MSRB3: variants seen among roughly 807,000 people sequenced by gnomAD.
The protein encoded by MSRB3 is methionine sulfoxide reductase B3, also known as methionine-R-sulfoxide reductase B3.
In MSRB3, 13 loss-of-function variants were observed where a neutral mutation model predicts 21.0. The ratio of observed to expected loss-of-function variants is 0.62; its 90% CI spans 0.40 to 0.98. The LOEUF is 0.98. Among genes scored for constraint, MSRB3 ranks in the 50% least tolerant of loss-of-function variants. MSRB3 has a pLI of 0.00. For synonymous variants in MSRB3, 87 were observed against 88.6 expected, an observed-to-expected ratio of 0.98 and a Z score of 0.10; for missense variants, 199 against 230.3, an observed-to-expected ratio of 0.86 and a Z score of 0.88.
chr12:65,453,036 AT>A (rs1219307413), intron 5 of MSRB3, among the ~76,000 whole-genome samples: 3 of 152,186 alleles, frequency 2.0e-5, no homozygotes, highest in Non-Finnish European at 4.4e-5. Flanking sequence ...GTGTGCATAT[AT>A]TTTTAAAATC....
intron 4 of MSRB3, among the ~76,000 whole-genome samples, chr12:65,339,443 CTT>C (rs1875998157): frequency 6.6e-6 from 1 of 152,168 alleles, no homozygotes. Context: ...CAAACACTGA[CTT>C]TTAGTATTTT....
Position 65,463,702 on chromosome 12 carries a change from G to A in MSRB3, c.*380G>A. ...CCTCTGCAGTGTAGAGACCAGAGCT[G>A]GGCAGTGCAGGGCATGGAGACCTGC... On this transcript the variant is annotated 3_prime_UTR_variant, in exon 7 of 7. Transcript: ENST00000308259. 1 of 254,842 alleles carries A rather than the reference G, an allele frequency of 3.9e-6. No individual in the cohort carries two copies. Among genetic ancestry groups the A allele is most frequent in the Non-Finnish European group, 7.6e-6 (1 of 130,996 alleles). The allele number at this position is 254,842 out of a possible 1,614,324, so 15.8% of individuals were successfully genotyped here.
At chr12:65,402,348 T>C (rs1161210845) in intron 5 of MSRB3, among the ~76,000 whole-genome samples, 2 of 152,208 alleles carry the variant, frequency 1.3e-5, no homozygotes, top group Non-Finnish European at 2.9e-5. Context: ...CTTCATGCTT[T>C]ATTTCATTAA....
chr12:65,336,343 A>G, intron 4 of MSRB3, among the ~76,000 whole-genome samples: 1 of 152,258 alleles, frequency 6.6e-6, no homozygotes, highest in East Asian at 1.9e-4. Flanking sequence ...AACAATATAC[A>G]AAGATAATTA....
At chr12:65,289,315 C>G (rs1872555381) in intron 1 of MSRB3, among the ~76,000 whole-genome samples, 1 of 152,052 alleles carries the variant, frequency 6.6e-6, no homozygotes, top group South Asian at 2.1e-4. Context: ...GCTAACAAGG[C>G]AAAACCCTGT....
chr12:65,288,556 T>A (rs1007156524), intron 1 of MSRB3, among the ~76,000 whole-genome samples: 2 of 152,188 alleles, frequency 1.3e-5, no homozygotes, highest in Admixed American at 6.5e-5. Context: ...ATAACCCTTT[T>A]AAAGATTTAG....
At chr12:65,287,020 C>CAAAA (rs35236078) in intron 1 of MSRB3, among the ~76,000 whole-genome samples, 4 of 57,150 alleles carry the variant, frequency 7.0e-5, no homozygotes, top group Non-Finnish European at 8.7e-5. Flanking sequence ...GACCCTTTCT[C>CAAAA]AAAAAAAAAA....
chr12:65,322,272 T>G (rs1033593570), intron 2 of MSRB3, among the ~76,000 whole-genome samples: 2 of 152,204 alleles, frequency 1.3e-5, no homozygotes, highest in Non-Finnish European at 2.9e-5. Flanking sequence ...TTATTACTTT[T>G]TCCCCCTTAT....
intron 3 of MSRB3, among the ~76,000 whole-genome samples, chr12:65,327,552 A>G (rs1875130697): frequency 6.6e-6 from 1 of 152,236 alleles, no homozygotes; most frequent in South Asian, 2.1e-4. Flanking sequence ...AGCCTCTCTC[A>G]GCTGATTCCA....
At chr12:65,415,368 A>T (rs1444997538) in intron 5 of MSRB3, among the ~76,000 whole-genome samples, 1 of 152,180 alleles carries the variant, frequency 6.6e-6, no homozygotes, top group Admixed American at 6.5e-5. Flanking sequence ...CTGTTCTGAC[A>T]GCAGCCTCAG....
intron 5 of MSRB3, among the ~76,000 whole-genome samples, chr12:65,405,359 C>T (rs191611502): frequency 6.6e-6 from 1 of 151,818 alleles, no homozygotes; most frequent in African/African-American, 2.4e-5. Flanking sequence ...CCTCTAGGTT[C>T]GTCTATGTTG....
intron 6 of MSRB3, among the ~76,000 whole-genome samples, chr12:65,454,839 C>G (rs1883019745): frequency 6.6e-6 from 1 of 152,188 alleles, no homozygotes; most frequent in Non-Finnish European, 1.5e-5. Context: ...GAGACTTGAA[C>G]TTGTGGGTAT....
chr12:65,321,401 G>GA (rs1874653952), intron 2 of MSRB3, among the ~76,000 whole-genome samples: 1 of 152,090 alleles, frequency 6.6e-6, no homozygotes, highest in Non-Finnish European at 1.5e-5. Context: ...CTTAATTTAA[G>GA]AAAAAATCTT....
intron 4 of MSRB3, among the ~76,000 whole-genome samples, chr12:65,331,748 C>T (rs1419700467): frequency 6.6e-6 from 1 of 152,172 alleles, no homozygotes; most frequent in Non-Finnish European, 1.5e-5. Context: ...AAGCTGGGTG[C>T]AGAAGGAGCT....
intron 5 of MSRB3, among the ~76,000 whole-genome samples, chr12:65,416,610 A>G (rs1880990998): frequency 1.3e-5 from 2 of 152,214 alleles, no homozygotes; most frequent in Non-Finnish European, 1.5e-5. Context: ...AGGCAGTTGT[A>G]ACTGGTTAAG....
At chr12:65,335,885 A>C (rs1250750096) in intron 4 of MSRB3, among the ~76,000 whole-genome samples, 1 of 152,228 alleles carries the variant, frequency 6.6e-6, no homozygotes, top group Non-Finnish European at 1.5e-5. Context: ...ATTTTAAAAG[A>C]TTTGAATTGC....
chr12:65,389,643 A>G (rs1024222259), intron 5 of MSRB3, among the ~76,000 whole-genome samples: 1 of 151,984 alleles, frequency 6.6e-6, no homozygotes, highest in Non-Finnish European at 1.5e-5. Flanking sequence ...CTTTCTTCCC[A>G]GTCTGTTATG....
In MSRB3 at chr12:65,419,089, T is replaced by C. The variant is rs187848275; in HGVS notation, c.293-34639T>C. The C allele has an allele frequency of 9.0e-4, 625 of 694,608 alleles. 3 individuals carry two copies. The East Asian group carries it at 0.015, about 17-fold the overall frequency. The allele number at this position is 694,608 out of a possible 1,614,324, so 43.0% of individuals were successfully genotyped here. On this transcript the variant is annotated intron_variant, in intron 5 of 6. Transcript: ENST00000308259. Reference sequence around the variant, plus strand: ...CTTCAGATTTCTCATGGAGTCCAGGTCAGTCTCCGAGGACTGGGCTGTATG... The same window carrying C: ...CTTCAGATTTCTCATGGAGTCCAGGCCAGTCTCCGAGGACTGGGCTGTATG...
At chr12:65,426,750 T>C (rs1881618730) in intron 5 of MSRB3, among the ~76,000 whole-genome samples, 1 of 152,152 alleles carries the variant, frequency 6.6e-6, no homozygotes, top group Non-Finnish European at 1.5e-5. Flanking sequence ...TTTTCTTTTA[T>C]TCTCTCTGAC....
Sources: gnomAD v4.1 joint callset for allele counts (sites outside exome capture counted in the v4.1 genomes callset) on GRCh38, gnomAD v4.1.1 for gene constraint, MANE v1.5 for transcripts, NCBI Gene and HGNC (gene_info 2026-07-23, HGNC 2026-07-21) for gene names.